Variants in GNL3 observed in about 807,000 individuals in gnomAD.
The protein encoded by GNL3 is guanine nucleotide-binding protein-like 3.
Under a neutral mutation model 70.6 loss-of-function variants are expected in GNL3, and 77 were observed. The observed-to-expected ratio is 1.09, with a 90% CI of 0.91 to 1.32. The LOEUF is 1.32. GNL3 is among the 40% of genes most tolerant of loss of function. GNL3 has a pLI of 0.00. For missense variants in GNL3, 634 were observed against 644.0 expected (o/e 0.98, Z 0.17); for synonymous variants, 252 against 216.1 (o/e 1.17, Z -1.46).
rs2097329120 is a variant in GNL3 at position 52,693,263 on chromosome 3, T to C, written c.1121T>C (p.Met374Thr). ...ACTGTGCTTGCTCAGAGAAGAGGTA[T>C]GCACCAAAAAGGTGGAATCCCAAAT... Reference protein sequence around the residue: ...FFTVLAQRRGMHQKGGIPNVE... With the variant: ...FFTVLAQRRGTHQKGGIPNVE... The change falls in exon 11 of 15, where the codon ATG becomes ACG. Residue 374 changes from methionine (M) to threonine (T), a missense_variant. Physicochemically the swap from Met to Thr is moderately conservative, Grantham distance 81. Coordinates refer to ENST00000418458, the MANE Select transcript of GNL3 (RefSeq NM_014366.5). 6.2e-7 allele frequency: 1 copy of C among 1,613,996 alleles called. No homozygotes were observed. The highest frequency in any genetic ancestry group is 8.5e-7 in the Non-Finnish European group (1 of 1,179,970).
chr3:52,687,872 C>T (rs1490465064), intron 4 of GNL3: 8 of 589,784 alleles, frequency 1.4e-5, no homozygotes, highest in South Asian at 4.2e-5. Context: ...CTCAGCCTCC[C>T]GAAGTTTCTG....
In GNL3 at chr3:52,691,528, C is replaced by A; in HGVS notation, c.782-14C>A. On this transcript the variant is annotated splice_polypyrimidine_tract_variant and intron_variant, in intron 8 of 14. Coordinates refer to ENST00000418458, the MANE Select transcript of GNL3 (RefSeq NM_014366.5). ...ATAATGCTTTTTATATCTGGATTTC[C>A]CATTTATTTGTAGGTTTCCCAAATG... The A allele has an allele frequency of 6.9e-7, 1 of 1,446,530 alleles. No homozygotes were observed. Among genetic ancestry groups the A allele is most frequent in the South Asian group, 1.2e-5 (1 of 85,236 alleles). The allele number at this position is 1,446,530 out of a possible 1,614,324, so 89.6% of individuals were successfully genotyped here.
Position 52,693,335 on chromosome 3 carries a change from C to CT in GNL3, c.1187+9dup. 1.2e-6 allele frequency: 2 copies of CT among 1,613,552 alleles called. No homozygotes were observed. The highest frequency in any genetic ancestry group is 1.7e-6 in the Non-Finnish European group (2 of 1,179,872). On this transcript the variant is annotated splice_region_variant and intron_variant, in intron 11 of 14. Coordinates refer to ENST00000418458, the MANE Select transcript of GNL3 (RefSeq NM_014366.5). ...CTGTGGTCTGAGTGGACAGGGTAAGCTTTCTTTTCTGTTGGCATTTTGGTG... is the reference window on the plus strand; with the variant it reads ...CTGTGGTCTGAGTGGACAGGGTAAGCTTTTCTTTTCTGTTGGCATTTTGGTG...
In GNL3 at chr3:52,694,052, A is replaced by T. The variant is rs1181501403; in HGVS notation, c.1516A>T (p.Met506Leu). 2 of 1,613,766 alleles carry T rather than the reference A, an allele frequency of 1.2e-6. No individual in the cohort carries two copies. Among genetic ancestry groups the T allele is most frequent in the South Asian group, 1.1e-5 (1 of 91,092 alleles). ...DEEVDENSSG[M>L]FAAEETGEAL... is the part of the protein sequence containing the mutation. ...TGTCACACAGGAAAACAGCTCAGGC[A>T]TGTTTGCTGCAGAAGAGACAGGGGA... is the stretch of plus-strand genomic sequence containing the variant. Residue 506 changes from methionine (M) to leucine (L), a missense_variant, in exon 14 of 15, where the codon ATG (methionine) becomes TTG (leucine). Physicochemically the swap from Met to Leu is conservative, Grantham distance 15. Transcript: ENST00000418458.
rs1324074187 is a variant in GNL3, at chr3:52,688,982, ACT to A, written c.409-87_409-86del. On this transcript the variant is annotated intron_variant, in intron 5 of 14. Coordinates refer to ENST00000418458, the MANE Select transcript of GNL3 (RefSeq NM_014366.5). ...CTGTTGCTAAATGGATAATGCCAGT[ACT>A]CTCTTGTGGAAGGTATTACCAGAAC... 25 of 1,006,220 alleles carry A rather than the reference ACT, an allele frequency of 2.5e-5. No individual in the cohort carries two copies. In the Admixed American group the frequency reaches 3.4e-4, roughly 14 times the overall value. 62.3% of individuals were successfully genotyped at this position (1,006,220 alleles called of 1,614,324 possible). A position where few individuals can be genotyped will look rare whatever the true frequency, so the allele number is the denominator to read the frequency against.
chr3:52,686,560 A>G (rs767426207), intron 1 of GNL3: 28 of 595,054 alleles, frequency 4.7e-5, no homozygotes, highest in Non-Finnish European at 7.5e-5. Flanking sequence ...TTGTGAGGGT[A>G]AGTGCAGGGA....
chr3:52,686,682 T>C, intron 1 of GNL3, 87 bp from the exon 2 acceptor site: 1 of 988,560 alleles, frequency 1.0e-6, no homozygotes, highest in South Asian at 1.4e-5. Context: ...TGGTAGCCAA[T>C]AACACAAGAA....
chr3:52,692,867 T>G lies in GNL3; in HGVS notation c.870-5T>G. On this transcript the variant is annotated splice_region_variant and splice_polypyrimidine_tract_variant and intron_variant, in intron 9 of 14. Transcript: ENST00000418458. ...CCCCCATCAATTCCATCGCTCTTCT[T>G]TCAGGAGCATGCAAGTTGTCCCCTT... 6.2e-7 allele frequency: 1 copy of G among 1,609,426 alleles called. No homozygotes were observed. The highest frequency in any genetic ancestry group is 8.5e-7 in the Non-Finnish European group (1 of 1,176,980).
Position 52,692,927 on chromosome 3 carries a change from T to G in GNL3, c.925T>G (p.Phe309Val), listed in dbSNP as rs1025140062. The change falls in exon 10 of 15, where the codon TTC becomes GTC. Residue 309 changes from phenylalanine (F) to valine (V), a missense_variant. Transcript: ENST00000418458. ...KQITIIDSPS[F>V]IVSPLNSSSA... ...GATCACAATCATAGATAGTCCGAGC[T>G]TCATCGTATCTCCACTTAATTCCTC... 1.9e-6 allele frequency: 3 copies of G among 1,613,570 alleles called. No homozygotes were observed. Among genetic ancestry groups the G allele is most frequent in the Non-Finnish European group, 2.5e-6 (3 of 1,179,494 alleles).
At chr3:52,686,490 G>A (rs1445798853) in intron 1 of GNL3, 1 of 571,084 alleles carries the variant, frequency 1.8e-6, no homozygotes, top group Non-Finnish European at 3.1e-6. Flanking sequence ...CGTGCTGTTT[G>A]ACACGAAGTG....
intron 2 of GNL3, 94 bp downstream of exon 2, chr3:52,686,921 G>C: frequency 2.0e-6 from 2 of 975,936 alleles, no homozygotes; most frequent in Non-Finnish European, 3.2e-6. Flanking sequence ...ATGTGATTTG[G>C]TTTTGGGAAA....
chr3:52,685,925 C>T, upstream of GNL3: 2 of 673,438 alleles, frequency 3.0e-6, no homozygotes, highest in Non-Finnish European at 2.7e-6. Context: ...GTCCCGCGGC[C>T]GCCAAGCGAT....
At position 52,691,553 on chromosome 3, in the gene GNL3, G is replaced by A. The variant is rs767612973; in HGVS notation, c.793G>A (p.Val265Met). The stretch of plus-strand genomic sequence containing the variant: ...CCATTTATTTGTAGGTTTCCCAAAT[G>A]TGGGGAAAAGCAGCATTATCAATAG... ...IRVGVIGFPN[V>M]GKSSIINSLK... The change falls in exon 9 of 15, where the codon GTG becomes ATG. Residue 265 changes from valine to methionine, a missense_variant. Transcript: ENST00000418458. The A allele has an allele frequency of 3.2e-6, 5 of 1,578,870 alleles. No homozygotes were observed. In the South Asian group the frequency reaches 3.4e-5, roughly 11 times the overall value.
At chr3:52,690,846 T>C in intron 7 of GNL3, 99 bp from the exon 8 acceptor site, 2 of 1,258,498 alleles carry the variant, frequency 1.6e-6, no homozygotes, top group Non-Finnish European at 2.3e-6. Flanking sequence ...AAAGGCAATG[T>C]AGTTATCTTA....
chr3:52,688,441 CTAGCT>C (rs773869720), intron 5 of GNL3, among the ~76,000 whole-genome samples: 83 of 152,306 alleles, frequency 5.4e-4, no homozygotes, highest in Non-Finnish European at 9.3e-4. Context: ...TGACTCGACT[CTAGCT>C]TATGCTGTTT....
At position 52,687,586 on chromosome 3, in the gene GNL3, A is replaced by C. The variant is rs200942271; in HGVS notation, c.295A>C (p.Lys99Gln). ...KRKLETNPDI[K>Q]PSNVEPMEKE... ...AAAACTTGAAACTAATCCTGATATT[A>C]AGCCATCAAATGTGGAACCTATGGA... The change falls in exon 4 of 15, where the codon AAG becomes CAG. Residue 99 changes from lysine (K) to glutamine (Q), a missense_variant. Lys to Gln is a moderately conservative substitution (Grantham distance 53). Coordinates refer to ENST00000418458, the MANE Select transcript of GNL3 (RefSeq NM_014366.5). 1.9e-6 allele frequency: 3 copies of C among 1,604,444 alleles called. No homozygotes were observed. The highest frequency in any genetic ancestry group is 2.6e-6 in the Non-Finnish European group (3 of 1,171,208).
chr3:52,688,066 G>T (rs1478336170), intron 4 of GNL3, 43 bp from the exon 5 acceptor site: 1 of 1,087,132 alleles, frequency 9.2e-7, no homozygotes, highest in South Asian at 1.2e-5. Context: ...GGTTACAGTT[G>T]CTCTACTTCT....
rs577119080 is a variant in GNL3, at chr3:52,692,318, G to A, written c.870-554G>A. On this transcript the variant is annotated intron_variant, in intron 9 of 14. Coordinates refer to ENST00000418458, the MANE Select transcript of GNL3 (RefSeq NM_014366.5). ...CCGCCTAGGCCTCACAAAGTGTTGG[G>A]ATTACACTTGTGTTGGGTGGCATGA... Among the ~76,000 whole-genome samples the A allele has an allele frequency of 2.0e-5, 3 of 152,002 alleles. No homozygotes were observed. The South Asian group carries it at 6.2e-4, about 32-fold the overall frequency.
In GNL3 at chr3:52,691,573, C is replaced by T; in HGVS notation, c.813C>T (p.Ile271=). Residue 271 remains isoleucine (I), a synonymous_variant, in exon 9 of 15, where the codon ATC becomes ATT. Transcript: ENST00000418458. ...CAAATGTGGGGAAAAGCAGCATTATCAATAGCTTAAAACAAGAACAGATGT... is the reference window on the plus strand; with the variant it reads ...CAAATGTGGGGAAAAGCAGCATTATTAATAGCTTAAAACAAGAACAGATGT... ...GFPNVGKSSI[I]NSLKQEQMCN... The T allele has an allele frequency of 8.8e-6, 14 of 1,599,924 alleles. No individual in the cohort carries two copies. The highest frequency in any genetic ancestry group is 1.2e-5 in the Non-Finnish European group (14 of 1,168,708).
Sources: allele counts gnomAD v4.1 joint callset (sites outside exome capture counted in the v4.1 genomes callset), GRCh38; gene constraint gnomAD v4.1.1; transcripts MANE v1.5; gene names NCBI Gene and HGNC (gene_info 2026-07-23, HGNC 2026-07-21).